Variants in CDK14 observed in about 807,000 individuals in gnomAD.
The protein encoded by CDK14 is cyclin-dependent kinase 14.
A neutral mutation model predicts 60.7 loss-of-function variants in CDK14; 34 were observed. The observed-to-expected ratio is 0.56, with a 90% CI of 0.43 to 0.75. CDK14 has a LOEUF of 0.75. CDK14 is among the 30% of genes least tolerant of loss of function. CDK14 has a pLI of 0.00. For missense variants in CDK14, 482 were observed against 564.1 expected (o/e 0.85, Z 1.47); for synonymous variants, 197 against 203.7 (o/e 0.97, Z 0.28).
chr7:91,020,584 G>A (rs1483949002), intron 10 of CDK14, among the ~76,000 whole-genome samples: 3 of 152,174 alleles, frequency 2.0e-5, no homozygotes, highest in Non-Finnish European at 4.4e-5. Context: ...ACCTTTCCCT[G>A]CCCTAGAGCT....
At chr7:90,706,043 C>A (rs1473189505) in intron 2 of CDK14, among the ~76,000 whole-genome samples, 1 of 152,110 alleles carries the variant, frequency 6.6e-6, no homozygotes, top group Non-Finnish European at 1.5e-5. Context: ...CAAAAATGAC[C>A]TAGTAGATGT....
intron 2 of CDK14, among the ~76,000 whole-genome samples, chr7:90,708,776 C>T (rs1486062658): frequency 6.6e-6 from 1 of 152,106 alleles, no homozygotes; most frequent in East Asian, 1.9e-4. Flanking sequence ...TTTTAAAATA[C>T]GTGAATATTT....
At chr7:90,729,367 TTTTTC>T (rs1438115308) in intron 3 of CDK14, among the ~76,000 whole-genome samples, 23 of 133,866 alleles carry the variant, frequency 1.7e-4, no homozygotes, top group African/African-American at 6.0e-4. Flanking sequence ...TTTTTTTTTT[TTTTTC>T]CCCACTCATC....
At chr7:90,817,438 C>T (rs1004237091) in intron 5 of CDK14, among the ~76,000 whole-genome samples, 21 of 152,210 alleles carry the variant, frequency 1.4e-4, no homozygotes, top group African/African-American at 4.6e-4. Context: ...GCTTGACACT[C>T]TTTCCTTTTT....
chr7:90,850,732 A>G (rs185538412), intron 5 of CDK14, among the ~76,000 whole-genome samples: 1 of 152,178 alleles, frequency 6.6e-6, no homozygotes, highest in African/African-American at 2.4e-5. Flanking sequence ...AGACCTCTCC[A>G]TCAGGAGCCT....
chr7:91,035,776 C>T (rs552096153), intron 10 of CDK14, among the ~76,000 whole-genome samples: 1 of 151,482 alleles, frequency 6.6e-6, no homozygotes, highest in South Asian at 2.1e-4. Flanking sequence ...TATCATCTCT[C>T]AGTTTCTGTG....
chr7:90,818,562 A>T lies in CDK14; in HGVS notation c.544+27910A>T, dbSNP rs542431581. On this transcript the variant is annotated intron_variant, in intron 5 of 14. Transcript: ENST00000380050. ...AAGATTTCTGCCTCACTAATAGCTT[A>T]TGGAAAATACTTGGCCAATAAGCTC... Among the ~76,000 whole-genome samples the T allele has an allele frequency of 2.0e-5, 3 of 152,322 alleles. No individual in the cohort carries two copies. In the South Asian group the frequency reaches 6.2e-4, roughly 32 times the overall value.
At chr7:90,958,045 G>T (rs1001960560) in intron 9 of CDK14, among the ~76,000 whole-genome samples, 9 of 152,094 alleles carry the variant, frequency 5.9e-5, no homozygotes, top group African/African-American at 2.2e-4. Context: ...TGCAGTATGT[G>T]TTGTTTATCT....
At chr7:91,003,823 G>A (rs1795907785) in intron 10 of CDK14, among the ~76,000 whole-genome samples, 1 of 152,126 alleles carries the variant, frequency 6.6e-6, no homozygotes, top group Non-Finnish European at 1.5e-5. Context: ...ATTGTTTATT[G>A]GAGAAAATAG....
At chr7:90,613,283 C>T (rs1019009884) in intron 2 of CDK14, among the ~76,000 whole-genome samples, 1 of 152,166 alleles carries the variant, frequency 6.6e-6, no homozygotes, top group Non-Finnish European at 1.5e-5. Flanking sequence ...TGAGTAGTGT[C>T]CTCTTTCCGT....
chr7:90,739,685 C>T (rs530174244), intron 3 of CDK14, among the ~76,000 whole-genome samples: 29 of 152,170 alleles, frequency 1.9e-4, no homozygotes, highest in Non-Finnish European at 3.1e-4. Context: ...GGTAATTTTC[C>T]GCTGCTGTGT....
intron 14 of CDK14, among the ~76,000 whole-genome samples, chr7:91,172,205 T>G (rs971620732): frequency 2.6e-5 from 4 of 152,216 alleles, no homozygotes; most frequent in Non-Finnish European, 4.4e-5. Flanking sequence ...CCACCTTCAC[T>G]GGAAGATTCT....
chr7:90,658,902 T>C (rs1800807594), intron 2 of CDK14, among the ~76,000 whole-genome samples: 1 of 152,208 alleles, frequency 6.6e-6, no homozygotes, highest in Non-Finnish European at 1.5e-5. Context: ...TAAATGCGAT[T>C]GGTTCTTCAT....
chr7:90,738,251 T>C (rs984520627), intron 3 of CDK14, among the ~76,000 whole-genome samples: 2 of 152,214 alleles, frequency 1.3e-5, no homozygotes, highest in Non-Finnish European at 2.9e-5. Flanking sequence ...CTATAAATTA[T>C]TCATGTTCAA....
chr7:91,128,687 C>T (rs1800024021), intron 14 of CDK14, among the ~76,000 whole-genome samples: 1 of 151,074 alleles, frequency 6.6e-6, no homozygotes, highest in Non-Finnish European at 1.5e-5. Context: ...AGTAAGAAGC[C>T]CTTACCGTAA....
chr7:90,955,067 A>G (rs1379663596), intron 8 of CDK14, among the ~76,000 whole-genome samples: 1 of 152,078 alleles, frequency 6.6e-6, no homozygotes, highest in African/African-American at 2.4e-5. Context: ...GGACATTTTA[A>G]TTTATCATAT....
At chr7:90,833,321 C>G (rs1172359492) in intron 5 of CDK14, among the ~76,000 whole-genome samples, 1 of 152,132 alleles carries the variant, frequency 6.6e-6, no homozygotes, top group South Asian at 2.1e-4. Flanking sequence ...ATCTGCATGT[C>G]AGAATCCCTT....
chr7:91,118,160 C>G lies in CDK14; in HGVS notation c.1390C>G (p.Leu464Val), dbSNP rs199515743. The G allele has an allele frequency of 6.2e-7, 1 of 1,612,042 alleles. No individual in the cohort carries two copies. Among genetic ancestry groups the G allele is most frequent in the Non-Finnish European group, 8.5e-7 (1 of 1,178,352 alleles). Residue 464 changes from leucine (L) to valine (V), a missense_variant, in exon 14 of 15, where the codon CTA becomes GTA. Transcript: ENST00000380050. ...GAAAAACAATAGTTATGGCAAAAGT[C>G]TATCAAACAGCAAGCACTGACAAGC... ...FGKNNSYGKS[L>V]SNSKH
intron 14 of CDK14, among the ~76,000 whole-genome samples, chr7:91,118,500 A>G (rs1300240397): frequency 5.3e-5 from 8 of 152,234 alleles, no homozygotes; most frequent in Non-Finnish European, 1.2e-4. Context: ...TGGAGATTAG[A>G]AAAAGGTTCA....
Sources: gnomAD v4.1 joint callset for allele counts (sites outside exome capture counted in the v4.1 genomes callset) on GRCh38, gnomAD v4.1.1 for gene constraint, MANE v1.5 for transcripts, NCBI Gene and HGNC (gene_info 2026-07-23, HGNC 2026-07-21) for gene names.